Variants in PPP1R26 observed in about 807,000 individuals in gnomAD.
PPP1R26 encodes protein phosphatase 1 regulatory subunit 26, also known as 1A6/DRIM (down-regulated in metastasis) interacting protein.
A neutral mutation model predicts 67.6 loss-of-function variants in PPP1R26; 22 were observed. The ratio of observed to expected loss-of-function variants is 0.33; its 90% CI spans 0.23 to 0.46. The LOEUF (loss-of-function observed/expected upper bound fraction) is 0.46, where lower values mean the gene tolerates loss of function less well. PPP1R26 is among the 20% of genes least tolerant of loss of function. The pLI, the probability that PPP1R26 is intolerant of heterozygous loss-of-function variation, is 1.00. For missense variants in PPP1R26, 1,602 were observed against 1,651.4 expected (o/e 0.97, Z 0.52); for synonymous variants, 729 against 717.2 (o/e 1.02, Z -0.26).
chr9:135,486,470 A>C lies in PPP1R26; in HGVS notation c.1960A>C (p.Arg654=), dbSNP rs1246257237. ...SEALGGEGTA[R]GPGDTRMSQG... is the part of the protein sequence containing the mutation. ...GGCCCTGGGAGGGGAGGGCACCGCC[A>C]GGGGCCCTGGCGACACTCGCATGTC... The change falls in exon 4 of 4, where the codon AGG becomes CGG. Residue 654 remains arginine (R), a synonymous_variant. Transcript: ENST00000356818. The surrounding 1 kb of genome is among the most constrained non-coding windows in gnomAD (Gnocchi z 6.2). 1 of 1,613,054 alleles carries C rather than the reference A, an allele frequency of 6.2e-7. No individual in the cohort carries two copies. The highest frequency in any genetic ancestry group is 1.1e-5 in the South Asian group (1 of 91,064).
At chr9:135,481,876 C>T (rs181436031) in intron 1 of PPP1R26, among the ~76,000 whole-genome samples, 2 of 152,350 alleles carry the variant, frequency 1.3e-5, no homozygotes, top group Admixed American at 1.3e-4. Flanking sequence ...GCCTCAGCCT[C>T]CCAAAGTGCT....
intron 1 of PPP1R26, among the ~76,000 whole-genome samples, chr9:135,481,619 A>AT (rs895713872): frequency 2.9e-4 from 40 of 139,688 alleles, no homozygotes; most frequent in South Asian, 1.6e-3. Context: ...ACCCCCCTCG[A>AT]TTTTTTTTTT....
In PPP1R26 at chr9:135,485,754, T is replaced by C; in HGVS notation, c.1244T>C (p.Leu415Ser). The change falls in exon 4 of 4, where the codon TTG becomes TCG. Residue 415 changes from leucine (L) to serine (S), a missense_variant. Physicochemically the swap from Leu to Ser is moderately radical, Grantham distance 145 (BLOSUM62 -2). Transcript: ENST00000356818. The surrounding 1 kb of genome is among the most constrained non-coding windows in gnomAD (Gnocchi z 7.2). The stretch of plus-strand genomic sequence containing the variant: ...ACAAGCAGTGCCACAAAAAGTGCCT[T>C]GCCCGAGACCCACAGGAAAACACCC... ...HSTSSATKSA[L>S]PETHRKTPSK... 6.2e-7 allele frequency: 1 copy of C among 1,610,876 alleles called. No homozygotes were observed. The highest frequency in any genetic ancestry group is 8.5e-7 in the Non-Finnish European group (1 of 1,179,942).
chr9:135,485,720 G>T lies in PPP1R26; in HGVS notation c.1210G>T (p.Ala404Ser), dbSNP rs531017582. The T allele has an allele frequency of 1.9e-6, 3 of 1,609,934 alleles. No homozygotes were observed. The highest frequency in any genetic ancestry group is 2.2e-5 in the East Asian group (1 of 44,862). ...AGAGGAGAGAGCGCCTGACCCTCCC[G>T]CACACAGCACAAGCAGTGCCACAAA... ...LREERAPDPPAHSTSSATKSA... is the reference protein window; with the variant it reads ...LREERAPDPPSHSTSSATKSA... Residue 404 changes from alanine (A) to serine (S), a missense_variant, in exon 4 of 4, where the codon GCA (alanine) becomes TCA (serine). This residue lies in a region of PPP1R26 where 680 missense variants were observed against 726.1 expected (regional missense o/e 0.94). Coordinates refer to ENST00000356818, the MANE Select transcript of PPP1R26 (RefSeq NM_014811.5). This position sits in a 1 kb window ranked among gnomAD's most constrained non-coding sequence, Gnocchi z 7.2.
In PPP1R26 at chr9:135,484,576, A is replaced by G; in HGVS notation, c.66A>G (p.Pro22=). Residue 22 remains proline, a synonymous_variant, in exon 4 of 4, where the codon CCA becomes CCG. Transcript: ENST00000356818. ...CCAAATGGGAGGCCTTTGGCCCGCCAGGGAGCTGTAGGTTCCCCAGGTGCT... is the reference window on the plus strand; with the variant it reads ...CCAAATGGGAGGCCTTTGGCCCGCCGGGGAGCTGTAGGTTCCCCAGGTGCT... The part of the protein sequence containing the change: ...LQSKWEAFGP[P]GSCRFPRCFS... 1 of 1,612,070 alleles carries G rather than the reference A, an allele frequency of 6.2e-7. No homozygotes were observed. Among genetic ancestry groups the G allele is most frequent in the South Asian group, 1.1e-5 (1 of 91,048 alleles).
chr9:135,488,311 T>C lies in PPP1R26; in HGVS notation c.*171T>C. ...CTTTTATTTAACAGACGTGTCCTGGTAAATATGATTTTTGTAGCTTTTTGT... is the reference window on the plus strand; with the variant it reads ...CTTTTATTTAACAGACGTGTCCTGGCAAATATGATTTTTGTAGCTTTTTGT... On this transcript the variant is annotated 3_prime_UTR_variant, in exon 4 of 4. Transcript: ENST00000356818. The C allele has an allele frequency of 8.8e-7, 1 of 1,133,070 alleles. No individual in the cohort carries two copies. The highest frequency in any genetic ancestry group is 1.1e-6 in the Non-Finnish European group (1 of 884,920). The allele number at this position is 1,133,070 out of a possible 1,614,324, so 70.2% of individuals were successfully genotyped here.
chr9:135,484,960 C>G lies in PPP1R26; in HGVS notation c.450C>G (p.Pro150=). 1 of 1,576,606 alleles carries G rather than the reference C, an allele frequency of 6.3e-7. No homozygotes were observed. Among genetic ancestry groups the G allele is most frequent in the Non-Finnish European group, 8.6e-7 (1 of 1,162,598 alleles). ...AGGCAAAGAGTGGAGCCGCACAGCC[C>G]GGGGCCGGCGGGGCCCAGCCAGGTG... ...YLKAKSGAAQ[P]GAGGAQPGAA... is the part of the protein sequence containing the mutation. The change falls in exon 4 of 4, where the codon CCC becomes CCG. Residue 150 remains proline, a synonymous_variant. Transcript: ENST00000356818.
rs1295960332 is a variant in PPP1R26 at position 135,487,422 on chromosome 9, C to T, written c.2912C>T (p.Pro971Leu). The change falls in exon 4 of 4, where the codon CCT becomes CTT. Residue 971 changes from proline (P) to leucine (L), a missense_variant. Pro to Leu is a moderately conservative substitution (Grantham distance 98, BLOSUM62 -3). This residue lies in a region of PPP1R26 where 740 missense variants were observed against 696.3 expected (regional missense o/e 1.06). Coordinates refer to ENST00000356818, the MANE Select transcript of PPP1R26 (RefSeq NM_014811.5). ...GACCAGAGCCCACGAGGGGCTGAGCCTGCTGCCAAAAGTGCTTTTGGTCAG... is the reference window on the plus strand; with the variant it reads ...GACCAGAGCCCACGAGGGGCTGAGCTTGCTGCCAAAAGTGCTTTTGGTCAG... ...HKDQSPRGAEPAAKSAFGQLP... is the reference protein window; with the variant it reads ...HKDQSPRGAELAAKSAFGQLP... 3 of 1,604,108 alleles carry T rather than the reference C, an allele frequency of 1.9e-6. No homozygotes were observed. The highest frequency in any genetic ancestry group is 1.3e-5 in the African/African-American group (1 of 74,564).
rs770025154 is a variant in PPP1R26, at chr9:135,487,438, T to A, written c.2928T>A (p.Ala976=). The stretch of plus-strand genomic sequence containing the variant: ...GGGCTGAGCCTGCTGCCAAAAGTGC[T>A]TTTGGTCAGCTGCCCAGCTGTGCCA... ...PRGAEPAAKS[A]FGQLPSCATA... Residue 976 remains alanine (A), a synonymous_variant, in exon 4 of 4, where the codon GCT becomes GCA. Coordinates refer to ENST00000356818, the MANE Select transcript of PPP1R26 (RefSeq NM_014811.5). 18 of 1,608,380 alleles carry A rather than the reference T, an allele frequency of 1.1e-5. No homozygotes were observed. The highest frequency in any genetic ancestry group is 1.4e-5 in the Non-Finnish European group (17 of 1,178,908).
In PPP1R26 at chr9:135,488,030, C is replaced by A. The variant is rs746358002; in HGVS notation, c.3520C>A (p.Arg1174=). ...EESILDLRYR[R]RVNRDDQEQD... ...AAGCATTTTAGACCTGAGGTATCGACGAAGGGTCAACAGGGATGACCAGGA... is the reference window on the plus strand; with the variant it reads ...AAGCATTTTAGACCTGAGGTATCGAAGAAGGGTCAACAGGGATGACCAGGA... The change falls in exon 4 of 4, where the codon CGA becomes AGA. Residue 1174 remains arginine, a synonymous_variant. Transcript: ENST00000356818. The A allele has an allele frequency of 6.2e-7, 1 of 1,610,628 alleles. No homozygotes were observed. Among genetic ancestry groups the A allele is most frequent in the Admixed American group, 1.7e-5 (1 of 59,274 alleles).
chr9:135,484,403 C>A, intron 3 of PPP1R26, 46 bp from the exon 4 acceptor site: 1 of 1,069,572 alleles, frequency 9.3e-7, no homozygotes, highest in Non-Finnish European at 1.4e-6. Flanking sequence ...TGGCAGCTAT[C>A]GCTGTTTGTA....
chr9:135,482,983 CTTTCTTTT>C (rs1261148694), intron 2 of PPP1R26, among the ~76,000 whole-genome samples, 168 bp downstream of exon 2: 2 of 125,778 alleles, frequency 1.6e-5, no homozygotes, highest in East Asian at 3.3e-4. Context: ...CTTTTTCTTT[CTTTCTTTT>C]TTTTTTTTTT....
At position 135,486,349 on chromosome 9, in the gene PPP1R26, G is replaced by A. The variant is rs375448301; in HGVS notation, c.1839G>A (p.Val613=). ...CCACGCCCAAGAAAATGCAGGAGGT[G>A]GTGAAAGACGGTAGCCAGGATGCCG... ...RPSTPKKMQE[V]VKDGSQDADH... The change falls in exon 4 of 4, where the codon GTG becomes GTA. Residue 613 remains valine, a synonymous_variant. Coordinates refer to ENST00000356818, the MANE Select transcript of PPP1R26 (RefSeq NM_014811.5). The surrounding 1 kb of genome is among the most constrained non-coding windows in gnomAD (Gnocchi z 6.2). 1.4e-5 allele frequency: 23 copies of A among 1,612,996 alleles called. No individual in the cohort carries two copies. In the African/African-American group the frequency reaches 2.4e-4, roughly 17 times the overall value.
At chr9:135,479,551 G>T, upstream of PPP1R26, 1 of 146,580 alleles carries the variant, frequency 6.8e-6, no homozygotes, top group South Asian at 2.0e-4. The surrounding 1 kb of genome is among the most constrained non-coding windows in gnomAD (Gnocchi z 5.9). Context: ...GTCCGAACCG[G>T]GCGGGGCGGG....
rs772038239 is a variant in PPP1R26, at chr9:135,488,045, G to C, written c.3535G>C (p.Asp1179His). ...GAGGTATCGACGAAGGGTCAACAGG[G>C]ATGACCAGGAGCAGGACGCCTTGGG... ...DLRYRRRVNRDDQEQDALGSD... is the reference protein window; with the variant it reads ...DLRYRRRVNRHDQEQDALGSD... The change falls in exon 4 of 4, where the codon GAT becomes CAT. Residue 1179 changes from aspartate (D) to histidine (H), a missense_variant. Transcript: ENST00000356818. The C allele has an allele frequency of 1.2e-6, 2 of 1,606,698 alleles. No individual in the cohort carries two copies. Among genetic ancestry groups the C allele is most frequent in the Non-Finnish European group, 1.7e-6 (2 of 1,177,280 alleles).
Position 135,487,344 on chromosome 9 carries a change from G to A in PPP1R26, c.2834G>A (p.Gly945Asp), listed in dbSNP as rs1486367246. The A allele has an allele frequency of 6.4e-7, 1 of 1,553,224 alleles. No homozygotes were observed. The highest frequency in any genetic ancestry group is 8.7e-7 in the Non-Finnish European group (1 of 1,152,098). Reference protein sequence around the residue: ...DPVPPRSTSGGVSAKGLSVSR... With the variant: ...DPVPPRSTSGDVSAKGLSVSR... ...GTGCCGCCCAGGAGCACCAGCGGCG[G>A]TGTCTCCGCCAAGGGGCTCTCAGTG... Residue 945 changes from glycine (G) to aspartate (D), a missense_variant, in exon 4 of 4, where the codon GGT becomes GAT. Around this residue, in one of 5 missense-constraint regions of PPP1R26, gnomAD observed 740 missense variants for 696.3 expected, o/e 1.06. Coordinates refer to ENST00000356818, the MANE Select transcript of PPP1R26 (RefSeq NM_014811.5).
chr9:135,486,200 G>A lies in PPP1R26; in HGVS notation c.1690G>A (p.Gly564Ser), dbSNP rs1335206078. Reference protein sequence around the residue: ...RGESCPQAAQGPLLPPGLNSQ... With the variant: ...RGESCPQAAQSPLLPPGLNSQ... ...TGAGAGCTGCCCGCAGGCTGCCCAG[G>A]GTCCACTTTTGCCGCCTGGCCTCAA... Residue 564 changes from glycine to serine, a missense_variant, in exon 4 of 4, where the codon GGT becomes AGT. Gly to Ser is a moderately conservative substitution (Grantham distance 56). Transcript: ENST00000356818. The surrounding 1 kb of genome is among the most constrained non-coding windows in gnomAD (Gnocchi z 6.2). 5.6e-6 allele frequency: 9 copies of A among 1,612,998 alleles called. No individual in the cohort carries two copies. Among genetic ancestry groups the A allele is most frequent in the Middle Eastern group, 1.7e-4 (1 of 6,058 alleles).
intron 3 of PPP1R26, 87 bp downstream of exon 3, chr9:135,484,169 C>A: frequency 2.2e-6 from 1 of 450,670 alleles, no homozygotes; most frequent in Non-Finnish European, 3.9e-6. Context: ...GTGCGTGCCC[C>A]GGGCGGCACC....
chr9:135,487,825 C>A lies in PPP1R26; in HGVS notation c.3315C>A (p.Pro1105=). ...GCAGGCAGGCTGGCCTCTTCAGCCC[C>A]CACCTGGGGCTGCCTCTGCAGGGCC... is the stretch of plus-strand genomic sequence containing the variant. ...WGGRQAGLFS[P]HLGLPLQGPS... The change falls in exon 4 of 4, where the codon CCC becomes CCA. Residue 1105 remains proline (P), a synonymous_variant. Transcript: ENST00000356818. 1.3e-6 allele frequency: 2 copies of A among 1,593,204 alleles called. No homozygotes were observed. Among genetic ancestry groups the A allele is most frequent in the South Asian group, 1.1e-5 (1 of 88,758 alleles).
Sources: gnomAD v4.1 joint callset for allele counts (sites outside exome capture counted in the v4.1 genomes callset) on GRCh38, gnomAD v4.1.1 for gene constraint, gnomAD v4.1.1 regional missense constraint, Gnocchi (gnomAD v3.1) non-coding constraint, MANE v1.5 for transcripts, NCBI Gene and HGNC (gene_info 2026-07-23, HGNC 2026-07-21) for gene names.